The following ACMSD variants were observed in gnomAD, a reference collection of about 807,000 sequenced individuals.
ACMSD encodes 2-amino-3-carboxymuconate-6-semialdehyde decarboxylase.
In ACMSD, 37 loss-of-function variants were observed where a neutral mutation model predicts 45.9. The ratio of observed to expected loss-of-function variants is 0.81; its 90% CI spans 0.62 to 1.06. The LOEUF (loss-of-function observed/expected upper bound fraction) is 1.06, where lower values mean the gene tolerates loss of function less well. Ranked by LOEUF, ACMSD falls within the 50% of genes least tolerant of loss-of-function variation. The probability of loss-of-function intolerance (pLI) is 0.00; values close to 1 mark genes in which losing one functional copy is unlikely to be tolerated. For missense variants in ACMSD, 434 were observed against 420.9 expected (o/e 1.03, Z -0.27); for synonymous variants, 138 against 148.8 (o/e 0.93, Z 0.53).
At chr2:134,885,732 T>G (rs1430562306) in intron 8 of ACMSD, among the ~76,000 whole-genome samples, 1 of 152,124 alleles carries the variant, frequency 6.6e-6, no homozygotes, top group African/African-American at 2.4e-5. Context: ...AATATCCAGT[T>G]AAGGATGACA....
At chr2:134,885,574 A>G (rs1185285937) in intron 8 of ACMSD, among the ~76,000 whole-genome samples, 1 of 150,394 alleles carries the variant, frequency 6.6e-6, no homozygotes, top group Non-Finnish European at 1.5e-5. Flanking sequence ...TTGATTATGA[A>G]CATGTATCAG....
intron 8 of ACMSD, among the ~76,000 whole-genome samples, chr2:134,875,655 G>A (rs1688697538): frequency 1.3e-5 from 2 of 152,164 alleles, no homozygotes. Context: ...CAAAAAAATG[G>A]AAAACTATAT....
chr2:134,871,511 GTT>G (rs56946830), intron 7 of ACMSD, among the ~76,000 whole-genome samples: 1 of 145,578 alleles, frequency 6.9e-6, no homozygotes, highest in African/African-American at 2.5e-5. Flanking sequence ...TTTTGTCATT[GTT>G]TTTTTTTTTT....
intron 2 of ACMSD, among the ~76,000 whole-genome samples, chr2:134,858,572 A>T (rs1687692689): frequency 6.6e-6 from 1 of 152,222 alleles, no homozygotes; most frequent in Admixed American, 6.5e-5. Context: ...AATTAGCTTG[A>T]TTTAGCCATT....
rs547489734 is a variant in ACMSD, at chr2:134,855,494, T to C, written c.103-3767T>C. On this transcript the variant is annotated intron_variant, in intron 2 of 9. Transcript: ENST00000356140. ...CCAAGCTTGGGGCAGGGAGAGCAAG[T>C]ATTTGGCCTTCTGCAGAAGAAGGCT... Among the ~76,000 whole-genome samples the C allele has an allele frequency of 1.9e-4, 29 of 152,212 alleles. 2 individuals are homozygous for C. Among genetic ancestry groups the C allele is most frequent in the Middle Eastern group, 6.8e-3 (2 of 294 alleles).
In ACMSD at chr2:134,898,724, A is replaced by C. The variant is rs568120611; in HGVS notation, c.948+285A>C. On this transcript the variant is annotated intron_variant, in intron 9 of 9. Coordinates refer to ENST00000356140, the MANE Select transcript of ACMSD (RefSeq NM_138326.3). The stretch of plus-strand genomic sequence containing the variant: ...CCTGCATGTTAGATAGATCATAGGA[A>C]AAATGTCTAAATTTTTTCTATATTA... Among the ~76,000 whole-genome samples the C allele has an allele frequency of 2.0e-5, 3 of 152,264 alleles. No individual in the cohort carries two copies. In the South Asian group the frequency reaches 6.2e-4, roughly 32 times the overall value.
At chr2:134,874,772 A>T (rs1408790678) in intron 8 of ACMSD, among the ~76,000 whole-genome samples, 1 of 152,216 alleles carries the variant, frequency 6.6e-6, no homozygotes, top group Non-Finnish European at 1.5e-5. Flanking sequence ...AGCAGTGAGC[A>T]ATATTTGTAG....
At chr2:134,867,722 C>T (rs1688174408) in intron 6 of ACMSD, 50 bp downstream of exon 6, 7 of 1,481,686 alleles carry the variant, frequency 4.7e-6, no homozygotes, top group Non-Finnish European at 6.6e-6. Context: ...TTGGGTTTTT[C>T]CAATCATCTA....
intron 8 of ACMSD, among the ~76,000 whole-genome samples, chr2:134,884,766 C>T (rs1172098201): frequency 1.3e-5 from 2 of 152,146 alleles, no homozygotes; most frequent in African/African-American, 4.8e-5. Context: ...TTCCTCTAAA[C>T]TGTATTATAT....
At chr2:134,852,828 T>A (rs1315822169) in intron 2 of ACMSD, among the ~76,000 whole-genome samples, 1 of 151,706 alleles carries the variant, frequency 6.6e-6, no homozygotes, top group Non-Finnish European at 1.5e-5. Context: ...ACTAGGGGGA[T>A]GGGGAGGAGA....
At chr2:134,838,887 C>A (rs2104798969) in intron 1 of ACMSD, 148 bp downstream of exon 1, 2 of 515,596 alleles carry the variant, frequency 3.9e-6, no homozygotes, top group Non-Finnish European at 3.4e-6. Flanking sequence ...GATTTTCTAG[C>A]TTTTAAAAAT....
chr2:134,862,564 T>C (rs1401016338), intron 4 of ACMSD, among the ~76,000 whole-genome samples: 4 of 152,130 alleles, frequency 2.6e-5, no homozygotes, highest in African/African-American at 9.7e-5. Context: ...TCCCTGCTCA[T>C]CCAAGCAGAT....
At chr2:134,853,973 G>C (rs1687467213) in intron 2 of ACMSD, among the ~76,000 whole-genome samples, 1 of 152,124 alleles carries the variant, frequency 6.6e-6, no homozygotes, top group African/African-American at 2.4e-5. Flanking sequence ...CCAAATATTA[G>C]CCTTGTGAGA....
intron 2 of ACMSD, 39 bp downstream of exon 2, chr2:134,845,316 G>C (rs1559038052): frequency 6.2e-7 from 1 of 1,610,922 alleles, no homozygotes; most frequent in East Asian, 2.2e-5. Context: ...GTAGCACTCA[G>C]GGAGAGCTGA....
chr2:134,872,226 G>C (rs1188400477), intron 7 of ACMSD, among the ~76,000 whole-genome samples: 1 of 152,126 alleles, frequency 6.6e-6, no homozygotes, highest in Admixed American at 6.5e-5. Flanking sequence ...CAAAGTGCTA[G>C]GATTATAGGT....
intron 9 of ACMSD, 77 bp from the exon 10 acceptor site, chr2:134,901,721 A>C: frequency 9.6e-7 from 1 of 1,043,210 alleles, no homozygotes; most frequent in Non-Finnish European, 1.4e-6. Flanking sequence ...TGATTTTTTT[A>C]AACCTGATCA....
chr2:134,867,523 G>T, intron 5 of ACMSD, 56 bp from the exon 6 acceptor site: 1 of 1,372,184 alleles, frequency 7.3e-7, no homozygotes. Context: ...ACAGTACCTG[G>T]TATCTGCTCA....
At chr2:134,890,887 G>A (rs1221900033) in intron 8 of ACMSD, among the ~76,000 whole-genome samples, 2 of 151,990 alleles carry the variant, frequency 1.3e-5, no homozygotes. Flanking sequence ...TAATCAGTTA[G>A]TGAATAAAAA....
At chr2:134,888,387 T>C (rs530713351) in intron 8 of ACMSD, among the ~76,000 whole-genome samples, 1 of 152,284 alleles carries the variant, frequency 6.6e-6, no homozygotes, top group South Asian at 2.1e-4. Context: ...TGAGCAAGGA[T>C]GTAAAACAAC....
Sources: allele counts gnomAD v4.1 joint callset (sites outside exome capture counted in the v4.1 genomes callset), GRCh38; gene constraint gnomAD v4.1.1; transcripts MANE v1.5; gene names NCBI Gene and HGNC (gene_info 2026-07-23, HGNC 2026-07-21).